HOOK2: variants seen among roughly 807,000 people sequenced by gnomAD.
The protein encoded by HOOK2 is protein Hook homolog 2.
A neutral mutation model predicts 111.9 loss-of-function variants in HOOK2; 108 were observed. The ratio of observed to expected loss-of-function variants is 0.96; its 90% CI spans 0.83 to 1.13. The LOEUF is 1.13. Ranked by LOEUF, HOOK2 falls within the 50% of genes most tolerant of loss-of-function variation. The pLI is 0.00. For missense variants in HOOK2, 978 were observed against 951.3 expected, an observed-to-expected ratio of 1.03 and a Z score of -0.37; for synonymous variants, 405 against 394.3, an observed-to-expected ratio of 1.03 and a Z score of -0.32.
At chr19:12,769,167 G>A (rs977767144) in intron 11 of HOOK2, among the ~76,000 whole-genome samples, 2 of 151,658 alleles carry the variant, frequency 1.3e-5, no homozygotes, top group Non-Finnish European at 2.9e-5. Context: ...GGGTTTCACC[G>A]TGTTAGCCAG....
Position 12,771,492 on chromosome 19 carries a change from G to T in HOOK2, c.520-15C>A. ...TACCTGCGGGACTGCAGAGATGAGG[G>T]GGAAGAGGAACTCAGGGATTCAGGA... is the stretch of plus-strand genomic sequence containing the variant. On this transcript the variant is annotated splice_polypyrimidine_tract_variant and intron_variant, in intron 7 of 22. Transcript: ENST00000397668. 2 of 1,604,078 alleles carry T rather than the reference G, an allele frequency of 1.2e-6. No homozygotes were observed. The highest frequency in any genetic ancestry group is 1.7e-6 in the Non-Finnish European group (2 of 1,174,432).
In HOOK2 at chr19:12,765,971, C is replaced by T. The variant is rs1454345494; in HGVS notation, c.1555G>A (p.Asp519Asn). Residue 519 changes from aspartate (D) to asparagine (N), a missense_variant, in exon 16 of 23, where the codon GAC becomes AAC. By Grantham distance (23) the Asp-to-Asn change is conservative. This residue lies in a region of HOOK2 where 5 missense variants were observed against 19.0 expected (regional missense o/e 0.26). Coordinates refer to ENST00000397668, the MANE Select transcript of HOOK2 (RefSeq NM_013312.3). ...TGCTCCTGCAGGGCTTTCTGCAGGT[C>T]CTCCACCTGGGCCCGCAGCTCGGAT... ...QLSELRAQVE[D>N]LQKALQEQGG... 1 of 1,613,962 alleles carries T rather than the reference C, an allele frequency of 6.2e-7. No homozygotes were observed. Among genetic ancestry groups the T allele is most frequent in the African/African-American group, 1.3e-5 (1 of 74,926 alleles).
Position 12,763,448 on chromosome 19 carries a change from G to T in HOOK2, c.2011-17C>A, listed in dbSNP as rs767288720. 3 of 1,613,544 alleles carry T rather than the reference G, an allele frequency of 1.9e-6. No homozygotes were observed. The highest frequency in any genetic ancestry group is 2.5e-6 in the Non-Finnish European group (3 of 1,179,710). On this transcript the variant is annotated splice_polypyrimidine_tract_variant and intron_variant, in intron 22 of 22. Coordinates refer to ENST00000397668, the MANE Select transcript of HOOK2 (RefSeq NM_013312.3). ...GGCCATGCCCTTCAGGAGGAGGTGTGGTTGGGGTCAGGTGAGCTCACAGGA... is the reference window on the plus strand; with the variant it reads ...GGCCATGCCCTTCAGGAGGAGGTGTTGTTGGGGTCAGGTGAGCTCACAGGA...
At position 12,764,900 on chromosome 19, in the gene HOOK2, C is replaced by G. The variant is rs1334280286; in HGVS notation, c.1741G>C (p.Glu581Gln). 2 of 1,614,184 alleles carry G rather than the reference C, an allele frequency of 1.2e-6. No homozygotes were observed. Among genetic ancestry groups the G allele is most frequent in the South Asian group, 2.2e-5 (2 of 91,084 alleles). ...TDSSTARRIE[E>Q]LQHNLQKKDA... ...TTCTTCTGCAAGTTATGCTGCAGCTCCTCGATCCGCCGGGCTGCTGGCGGA... is the reference window on the plus strand; with the variant it reads ...TTCTTCTGCAAGTTATGCTGCAGCTGCTCGATCCGCCGGGCTGCTGGCGGA... The change falls in exon 20 of 23, where the codon GAG (glutamate) becomes CAG (glutamine). Residue 581 changes from glutamate to glutamine, a missense_variant. By Grantham distance (29) the Glu-to-Gln change is conservative. Transcript: ENST00000397668.
chr19:12,768,241 G>A (rs527679593), intron 11 of HOOK2, 118 bp from the exon 12 acceptor site: 2 of 792,288 alleles, frequency 2.5e-6, no homozygotes, highest in Admixed American at 2.6e-5. Context: ...CTTTACTATG[G>A]TGCTTTCAGC....
rs780779147 is a variant in HOOK2, at chr19:12,791,814, T to C, written n.42-17589A>G. The C allele has an allele frequency of 6.2e-7, 1 of 1,613,468 alleles. No individual in the cohort carries two copies. Among genetic ancestry groups the C allele is most frequent in the Non-Finnish European group, 8.5e-7 (1 of 1,179,792 alleles). ...ACAGCCCTTCTACCACGACGACTCA[T>C]ACACAGCTACGGGATACGGCCGGGC... On this transcript the variant is annotated intron_variant and non_coding_transcript_variant, in intron 3 of 3. Transcript: ENST00000589765. This position sits in a 1 kb window ranked among gnomAD's most constrained non-coding sequence, Gnocchi z 7.0.
At chr19:12,779,415 C>T (rs1968574115), upstream of HOOK2, among the ~76,000 whole-genome samples, 1 of 152,162 alleles carries the variant, frequency 6.6e-6, no homozygotes, top group Non-Finnish European at 1.5e-5. Context: ...CCATGGAGGA[C>T]TCTGGCAGGC....
In HOOK2 at chr19:12,763,674, G is replaced by A. The variant is rs370152340; in HGVS notation, c.1932C>T (p.His644=). 208 of 1,614,162 alleles carry A rather than the reference G, an allele frequency of 1.3e-4. No individual in the cohort carries two copies. The highest frequency in any genetic ancestry group is 3.0e-4 in the Admixed American group (18 of 60,028). ...QLRERDVRIR[H]LEMDFEKSRS... is the part of the protein sequence containing the mutation. ...AAGGGACGAGGACACCCACCTCCAG[G>A]TGTCGGATGCGGACATCCCGTTCTC... Residue 644 remains histidine (H), a synonymous_variant, in exon 21 of 23, where the codon CAC becomes CAT. Transcript: ENST00000397668.
chr19:12,771,136 G>A lies in HOOK2; in HGVS notation c.761+23C>T, dbSNP rs759552215. On this transcript the variant is annotated intron_variant, in intron 9 of 22. Transcript: ENST00000397668. ...CTCCCCCGGTCCCCTGGCTTGCCTG[G>A]CCCAGTCCCCAGCTGACCACACCTG... The A allele has an allele frequency of 5.6e-6, 9 of 1,612,478 alleles. No individual in the cohort carries two copies. The South Asian group carries it at 9.9e-5, about 18-fold the overall frequency.
intron 7 of HOOK2, 109 bp downstream of exon 7, chr19:12,772,081 T>C: frequency 4.6e-6 from 4 of 860,384 alleles, no homozygotes; most frequent in Non-Finnish European, 7.8e-6. Context: ...GGTCTGGACC[T>C]TTAACAAGGT....
chr19:12,778,792 G>A (rs1022589603), upstream of HOOK2, among the ~76,000 whole-genome samples: 1 of 152,226 alleles, frequency 6.6e-6, no homozygotes, highest in Non-Finnish European at 1.5e-5. Context: ...GGAGCCAGGA[G>A]TCCCCAGACT....
intron 11 of HOOK2, 32 bp from the exon 12 acceptor site, chr19:12,768,155 C>T (rs575841513): frequency 1.3e-6 from 2 of 1,582,742 alleles, no homozygotes; most frequent in South Asian, 2.2e-5. Flanking sequence ...ATAAGGACAG[C>T]AGGGCTGGGA....
Position 12,765,712 on chromosome 19 carries a change from T to C in HOOK2, c.1618A>G (p.Lys540Glu), listed in dbSNP as rs904224263. 1 of 1,614,206 alleles carries C rather than the reference T, an allele frequency of 6.2e-7. No individual in the cohort carries two copies. The highest frequency in any genetic ancestry group is 8.5e-7 in the Non-Finnish European group (1 of 1,180,032). The change falls in exon 18 of 23, where the codon AAA (lysine) becomes GAA (glutamate). Residue 540 changes from lysine (K) to glutamate (E), a missense_variant. Around this residue, in one of 5 missense-constraint regions of HOOK2, gnomAD observed 277 missense variants for 265.8 expected, o/e 1.04. Coordinates refer to ENST00000397668, the MANE Select transcript of HOOK2 (RefSeq NM_013312.3). Reference protein sequence around the residue: ...KTEDAISILLKRKLEEHLQKL... With the variant: ...KTEDAISILLERKLEEHLQKL... ...TACAAATGTTCCTCCAGCTTCCTTT[T>C]CAGCAAAATGGACTGGGAGAGAGAA...
rs1275895565 is a variant in HOOK2 at position 12,790,083 on chromosome 19, C to A, written n.42-15858G>T. 6.6e-6 allele frequency among the ~76,000 whole-genome samples: 1 copy of A among 151,918 alleles called. No individual in the cohort carries two copies. The highest frequency in any genetic ancestry group is 1.5e-5 in the Non-Finnish European group (1 of 67,932). ...CCGCCGTCGGGCCAATGGAACACTCCCCAAGCCGCCTGCCTCCGCGGTCCC... is the reference window on the plus strand; with the variant it reads ...CCGCCGTCGGGCCAATGGAACACTCACCAAGCCGCCTGCCTCCGCGGTCCC... On this transcript the variant is annotated intron_variant and non_coding_transcript_variant, in intron 3 of 3. Coordinates refer to the HOOK2 transcript ENST00000589765. This position sits in a 1 kb window ranked among gnomAD's most constrained non-coding sequence, Gnocchi z 7.2.
upstream of HOOK2, among the ~76,000 whole-genome samples, chr19:12,781,558 C>T (rs1056275302): frequency 6.6e-6 from 1 of 152,006 alleles, no homozygotes; most frequent in Non-Finnish European, 1.5e-5. Flanking sequence ...GATCTCCAGA[C>T]CTCCTGATCC....
chr19:12,766,097 G>A lies in HOOK2; in HGVS notation c.1511+6C>T. ...GCTCCGCGCAGGTAGGTCCCCAGGC[G>A]CTCACCGGTGCTGCGTCTCCAACCC... is the stretch of plus-strand genomic sequence containing the variant. On this transcript the variant is annotated splice_donor_region_variant and intron_variant, in intron 15 of 22. Coordinates refer to ENST00000397668, the MANE Select transcript of HOOK2 (RefSeq NM_013312.3). 9.4e-6 allele frequency: 15 copies of A among 1,601,138 alleles called. No individual in the cohort carries two copies. Among genetic ancestry groups the A allele is most frequent in the Non-Finnish European group, 1.3e-5 (15 of 1,177,078 alleles).
At chr19:12,765,558 G>A (rs1968121309) in intron 18 of HOOK2, 132 bp downstream of exon 18, 1 of 1,249,514 alleles carries the variant, frequency 8.0e-7, no homozygotes. Flanking sequence ...GACCAGCCTG[G>A]CCAACATAGT....
intron 6 of HOOK2, among the ~76,000 whole-genome samples, 153 bp from the exon 7 acceptor site, chr19:12,772,405 C>T (rs573824755): frequency 6.6e-6 from 1 of 152,330 alleles, no homozygotes; most frequent in African/African-American, 2.4e-5. Context: ...GCCTCCAACA[C>T]AGAGGGAAGC....
In HOOK2 at chr19:12,772,195, TGTCA is replaced by T; in HGVS notation, c.510_513del (p.Phe170LeufsTer10). 6.2e-7 allele frequency: 1 copy of T among 1,611,922 alleles called. No homozygotes were observed. The highest frequency in any genetic ancestry group is 1.7e-4 in the Middle Eastern group (1 of 6,056). ...CTTTCCCCCAAATCTCTTACCTGGC[TGTCA>T]AAGTTGCCATACGTCTCTGGTGACA... is the stretch of plus-strand genomic sequence containing the variant. On this transcript the variant is annotated frameshift_variant, in exon 7 of 23. Transcript: ENST00000397668. LOFTEE classifies it high-confidence loss of function.
Sources: allele counts gnomAD v4.1 joint callset (sites outside exome capture counted in the v4.1 genomes callset), GRCh38; gene constraint gnomAD v4.1.1; regional missense constraint gnomAD v4.1.1; non-coding constraint Gnocchi (gnomAD v3.1); transcripts MANE v1.5; gene names NCBI Gene and HGNC (gene_info 2026-07-23, HGNC 2026-07-21).